The following KCNMA1 variants were observed in gnomAD, a reference collection of about 807,000 sequenced individuals.
KCNMA1 encodes potassium calcium-activated channel subfamily M alpha 1.
In KCNMA1, 29 loss-of-function variants were observed where a neutral mutation model predicts 140.0. The observed-to-expected ratio is 0.21, with a 90% CI of 0.15 to 0.28. The LOEUF (loss-of-function observed/expected upper bound fraction) is 0.28, where lower values mean the gene tolerates loss of function less well. KCNMA1 is among the 10% of genes least tolerant of loss of function. KCNMA1 has a pLI of 1.00. For synonymous variants in KCNMA1, 612 were observed against 611.9 expected, an observed-to-expected ratio of 1.00 and a Z score of 0.00; for missense variants, 880 against 1,602.2, an observed-to-expected ratio of 0.55 and a Z score of 7.70.
At chr10:77,387,560 TC>T (rs1216251838) in intron 2 of KCNMA1, among the ~76,000 whole-genome samples, 5 of 129,142 alleles carry the variant, frequency 3.9e-5, no homozygotes, top group African/African-American at 1.5e-4. Context: ...CTTTTCTTTT[TC>T]TTTTCTTTTC....
intron 1 of KCNMA1, chr10:77,634,660 A>G: frequency 1.0e-6 from 1 of 985,338 alleles, no homozygotes; most frequent in South Asian, 4.7e-5. Flanking sequence ...AAGGCAGCCT[A>G]TGTTTTCTTG....
intron 1 of KCNMA1, among the ~76,000 whole-genome samples, chr10:77,452,417 T>C (rs2097680269): frequency 6.6e-6 from 1 of 152,188 alleles, no homozygotes; most frequent in South Asian, 2.1e-4. Context: ...GAGAATAAAG[T>C]AAGTGAGTTA....
intron 1 of KCNMA1, among the ~76,000 whole-genome samples, chr10:77,566,169 G>T (rs1439773730): frequency 6.6e-6 from 1 of 152,086 alleles, no homozygotes; most frequent in Non-Finnish European, 1.5e-5. Context: ...TTACCCTGTG[G>T]GCTCTCTGGA....
intron 18 of KCNMA1, among the ~76,000 whole-genome samples, chr10:77,008,789 T>A (rs1565512895): frequency 6.6e-6 from 1 of 152,212 alleles, no homozygotes; most frequent in Non-Finnish European, 1.5e-5. Context: ...CAGATGAGTA[T>A]GTGGGTCAGC....
At chr10:77,471,721 T>C (rs548130564) in intron 1 of KCNMA1, among the ~76,000 whole-genome samples, 5 of 146,292 alleles carry the variant, frequency 3.4e-5, no homozygotes, top group Non-Finnish European at 6.0e-5. Context: ...ATATCACACA[T>C]ACACACATAA....
intron 2 of KCNMA1, among the ~76,000 whole-genome samples, chr10:77,341,585 TCC>T (rs2090942140): frequency 6.6e-6 from 1 of 152,070 alleles, no homozygotes; most frequent in Admixed American, 6.6e-5. Flanking sequence ...TAGACGTGGG[TCC>T]CCCAGATCCC....
intron 9 of KCNMA1, among the ~76,000 whole-genome samples, chr10:77,093,366 T>C (rs1229966794): frequency 6.6e-6 from 1 of 152,220 alleles, no homozygotes; most frequent in Admixed American, 6.5e-5. Context: ...ATTGTTCCAA[T>C]CTGTCCTATA....
rs142908350 is a variant in KCNMA1 at position 77,211,693 on chromosome 10, G to A, written c.603-26777C>T. Among the ~76,000 whole-genome samples the A allele has an allele frequency of 3.3e-3, 508 of 152,030 alleles. 4 individuals carry two copies. Among genetic ancestry groups the A allele is most frequent in the African/African-American group, 0.011 (477 of 41,486 alleles). On this transcript the variant is annotated intron_variant, in intron 3 of 27. Coordinates refer to ENST00000286628, the MANE Select transcript of KCNMA1 (RefSeq NM_001161352.2). Reference sequence around the variant, plus strand: ...ACCTATAGAATGGGAGAAAATATTCGCAAACTATGCATCTGACAAAGGTCT... The same window carrying A: ...ACCTATAGAATGGGAGAAAATATTCACAAACTATGCATCTGACAAAGGTCT...
chr10:77,448,014 C>T (rs2097560941), intron 1 of KCNMA1, among the ~76,000 whole-genome samples: 1 of 152,172 alleles, frequency 6.6e-6, no homozygotes. Flanking sequence ...GGCTGATGTT[C>T]CAAGGGGATG....
intron 15 of KCNMA1, among the ~76,000 whole-genome samples, chr10:77,034,549 G>A (rs1190163115): frequency 6.6e-6 from 1 of 152,208 alleles, no homozygotes; most frequent in African/African-American, 2.4e-5. Context: ...TTGAGAGCAT[G>A]ATTTTCTGAA....
chr10:76,934,647 C>T (rs1188639595), intron 23 of KCNMA1, among the ~76,000 whole-genome samples: 1 of 152,188 alleles, frequency 6.6e-6, no homozygotes, highest in African/African-American at 2.4e-5. Context: ...GGGCACTAAC[C>T]TCATGCATAG....
intron 19 of KCNMA1, chr10:76,970,305 CAGT>C: frequency 1.1e-5 from 4 of 351,222 alleles, no homozygotes; most frequent in South Asian, 4.0e-5. Flanking sequence ...CAGACTAAAA[CAGT>C]TTGTAAACAC....
intron 1 of KCNMA1, among the ~76,000 whole-genome samples, chr10:77,544,681 G>A (rs2061000185): frequency 6.6e-6 from 1 of 152,172 alleles, no homozygotes; most frequent in Non-Finnish European, 1.5e-5. Flanking sequence ...CCGTCTTCCT[G>A]TTGAAGAGAC....
intron 1 of KCNMA1, among the ~76,000 whole-genome samples, chr10:77,489,312 CT>C: frequency 6.6e-6 from 1 of 152,104 alleles, no homozygotes; most frequent in East Asian, 1.9e-4. Context: ...ACCTTATTTT[CT>C]TTTTATTTAT....
chr10:76,997,271 C>A (rs187339603), intron 19 of KCNMA1, among the ~76,000 whole-genome samples: 1 of 152,172 alleles, frequency 6.6e-6, no homozygotes. Flanking sequence ...TATATTTATA[C>A]CCAAAATAAA....
chr10:77,456,733 G>A (rs1017820877), intron 1 of KCNMA1, among the ~76,000 whole-genome samples: 2 of 152,164 alleles, frequency 1.3e-5, no homozygotes, highest in African/African-American at 2.4e-5. Flanking sequence ...GAAGTGCACT[G>A]TGGAAGCAGG....
At chr10:77,621,900 T>G (rs551168072) in intron 1 of KCNMA1, among the ~76,000 whole-genome samples, 11 of 152,216 alleles carry the variant, frequency 7.2e-5, no homozygotes, top group African/African-American at 2.4e-4. Context: ...AAATAGTGTT[T>G]TTCTCCAAAA....
chr10:77,472,025 C>CACACACAT (rs2098169527), intron 1 of KCNMA1, among the ~76,000 whole-genome samples: 2 of 106,950 alleles, frequency 1.9e-5, no homozygotes, highest in African/African-American at 4.0e-5. Flanking sequence ...CCACACACCA[C>CACACACAT]ACACATGACA....
At chr10:77,484,626 C>T (rs890424901) in intron 1 of KCNMA1, among the ~76,000 whole-genome samples, 1 of 152,238 alleles carries the variant, frequency 6.6e-6, no homozygotes, top group Non-Finnish European at 1.5e-5. Context: ...AGGATTCAAA[C>T]TGTGTGCCCC....
Sources: allele counts gnomAD v4.1 joint callset (sites outside exome capture counted in the v4.1 genomes callset), GRCh38; gene constraint gnomAD v4.1.1; transcripts MANE v1.5; gene names NCBI Gene and HGNC (gene_info 2026-07-23, HGNC 2026-07-21).